The following SCHIP1 variants were observed in gnomAD, a reference collection of about 807,000 sequenced individuals.
SCHIP1 encodes the protein schwannomin-interacting protein 1.
In SCHIP1, 8 loss-of-function variants were observed where a neutral mutation model predicts 29.7. That is an observed-to-expected ratio of 0.27 (90% CI 0.16 to 0.49). SCHIP1 has a LOEUF of 0.49. SCHIP1 is among the 20% of genes least tolerant of loss of function. The pLI is 0.99. For synonymous variants in SCHIP1, 76 were observed against 94.9 expected, an observed-to-expected ratio of 0.80 and a Z score of 1.16; for missense variants, 193 against 294.6, an observed-to-expected ratio of 0.66 and a Z score of 2.52.
the SCHIP1 span, among the ~76,000 whole-genome samples, chr3:159,312,938 T>C: frequency 6.6e-6 from 1 of 152,252 alleles, no homozygotes; most frequent in Non-Finnish European, 1.5e-5. Flanking sequence ...CCTTTGCTTT[T>C]GCAGATCCTT....
At chr3:159,518,054 G>A in the SCHIP1 span, among the ~76,000 whole-genome samples, 1 of 152,026 alleles carries the variant, frequency 6.6e-6, no homozygotes, top group Non-Finnish European at 1.5e-5. Flanking sequence ...GTATACAACT[G>A]CAAAAATGAG....
Position 159,880,685 on chromosome 3 carries a change from A to C in SCHIP1, c.150-5522A>C, listed in dbSNP as rs868399988. On this transcript the variant is annotated intron_variant, in intron 2 of 6. Coordinates refer to ENST00000445224, the Ensembl canonical transcript of SCHIP1. ...ACGGGGACAGCAGCTACTCAGCACC[A>C]GCCTATTGGTGCCATGAAATTTACA... Among the ~76,000 whole-genome samples the C allele has an allele frequency of 3.0e-4, 46 of 152,344 alleles. 1 individual carries two copies. Among genetic ancestry groups the C allele is most frequent in the Middle Eastern group, 3.4e-3 (1 of 294 alleles).
chr3:159,302,533 A>G, the SCHIP1 span, among the ~76,000 whole-genome samples: 1 of 152,230 alleles, frequency 6.6e-6, no homozygotes, highest in East Asian at 1.9e-4. Flanking sequence ...AGGGTATGTT[A>G]TCTGTCCAAA....
the SCHIP1 span, among the ~76,000 whole-genome samples, chr3:159,380,111 C>A: frequency 6.6e-6 from 1 of 152,126 alleles, no homozygotes; most frequent in African/African-American, 2.4e-5. Context: ...GTTTGTAATG[C>A]TGAGTAAAGT....
chr3:159,328,097 T>A, the SCHIP1 span, among the ~76,000 whole-genome samples: 12 of 152,338 alleles, frequency 7.9e-5, no homozygotes, highest in East Asian at 2.3e-3. Flanking sequence ...ATAGTAGTCA[T>A]TAGCCACATG....
the SCHIP1 span, among the ~76,000 whole-genome samples, chr3:159,695,464 C>T: frequency 2.0e-5 from 3 of 152,150 alleles, no homozygotes; most frequent in Non-Finnish European, 2.9e-5. Flanking sequence ...CTTCTGACTC[C>T]TAGAACCACT....
the SCHIP1 span, among the ~76,000 whole-genome samples, chr3:159,575,638 T>A: frequency 6.6e-6 from 1 of 152,136 alleles, no homozygotes; most frequent in Admixed American, 6.6e-5. Flanking sequence ...GGTCTTGCTG[T>A]TTCTCAGACT....
At chr3:159,310,585 T>C in the SCHIP1 span, among the ~76,000 whole-genome samples, 1 of 152,172 alleles carries the variant, frequency 6.6e-6, no homozygotes, top group Non-Finnish European at 1.5e-5. Flanking sequence ...TTATATTTCA[T>C]GGACAGACAG....
the SCHIP1 span, among the ~76,000 whole-genome samples, chr3:159,500,647 G>A: frequency 6.6e-6 from 1 of 151,732 alleles, no homozygotes; most frequent in Non-Finnish European, 1.5e-5. Context: ...CTGGGAGGCA[G>A]AGCTTGCAGT....
Position 159,861,411 on chromosome 3 carries a change from A to AT in SCHIP1, c.31-4750dup, listed in dbSNP as rs1188277730. Among the ~76,000 whole-genome samples the AT allele has an allele frequency of 6.6e-6, 1 of 152,140 alleles. No homozygotes were observed. Among genetic ancestry groups the AT allele is most frequent in the East Asian group, 1.9e-4 (1 of 5,190 alleles). On this transcript the variant is annotated intron_variant, in intron 1 of 6. Coordinates refer to ENST00000445224, the Ensembl canonical transcript of SCHIP1. This position sits in a 1 kb window ranked among gnomAD's most constrained non-coding sequence, Gnocchi z 4.1. ...AATGCCCCTCTTTGTTCTTGTCCAG[A>AT]TTGGGGAATTGCAGTAGAACAGGGC...
chr3:159,416,399 T>C, the SCHIP1 span, among the ~76,000 whole-genome samples: 1 of 152,198 alleles, frequency 6.6e-6, no homozygotes, highest in Admixed American at 6.5e-5. Context: ...ACTGTCCATT[T>C]TCACCCAGTA....
chr3:159,871,561 T>C (rs1158498055), intron 2 of SCHIP1, among the ~76,000 whole-genome samples: 4 of 152,154 alleles, frequency 2.6e-5, no homozygotes, highest in Non-Finnish European at 5.9e-5. Context: ...AACTTCACTA[T>C]AGAATGGCTG....
the SCHIP1 span, among the ~76,000 whole-genome samples, chr3:159,393,314 T>A: frequency 6.6e-6 from 1 of 152,186 alleles, no homozygotes; most frequent in South Asian, 2.1e-4. Flanking sequence ...GCTCTTTAGT[T>A]TAATTAGATC....
the SCHIP1 span, among the ~76,000 whole-genome samples, chr3:159,292,186 G>A: frequency 6.6e-6 from 1 of 152,010 alleles, no homozygotes; most frequent in Non-Finnish European, 1.5e-5. Flanking sequence ...AGTTGAGAAG[G>A]AAGAAGAGAA....
the SCHIP1 span, among the ~76,000 whole-genome samples, chr3:159,565,625 G>C: frequency 6.6e-6 from 1 of 152,100 alleles, no homozygotes; most frequent in Non-Finnish European, 1.5e-5. Flanking sequence ...ACTTCTTTGT[G>C]TTTACATGTG....
At chr3:159,341,099 G>A in the SCHIP1 span, among the ~76,000 whole-genome samples, 7 of 152,020 alleles carry the variant, frequency 4.6e-5, no homozygotes, top group Admixed American at 1.3e-4. Flanking sequence ...GCCTGCTTAC[G>A]GCCCAGCTGG....
At chr3:159,744,249 T>C in the SCHIP1 span, among the ~76,000 whole-genome samples, 1 of 152,158 alleles carries the variant, frequency 6.6e-6, no homozygotes, top group Non-Finnish European at 1.5e-5. Context: ...TATTTAAAAA[T>C]AAAAAGATAA....
chr3:159,549,665 A>T, the SCHIP1 span, among the ~76,000 whole-genome samples: 2 of 152,100 alleles, frequency 1.3e-5, no homozygotes, highest in East Asian at 3.9e-4. Flanking sequence ...ACTGTGAGAA[A>T]ATTAATTTCT....
the SCHIP1 span, among the ~76,000 whole-genome samples, chr3:159,797,043 C>T: frequency 1.3e-5 from 2 of 152,146 alleles, no homozygotes; most frequent in African/African-American, 2.4e-5. Flanking sequence ...AACCTCAAAC[C>T]CTTCACAATT....
Sources: allele counts gnomAD v4.1 joint callset (sites outside exome capture counted in the v4.1 genomes callset), GRCh38; gene constraint gnomAD v4.1.1; non-coding constraint Gnocchi (gnomAD v3.1); transcripts MANE v1.5; gene names NCBI Gene and HGNC (gene_info 2026-07-23, HGNC 2026-07-21).